The following UST variants were observed in gnomAD, a reference collection of about 807,000 sequenced individuals.
UST encodes the protein chondroitin sulfate 2-O-sulfotransferase.
In UST, 21 loss-of-function variants were observed where a neutral mutation model predicts 45.6. That is an observed-to-expected ratio of 0.46 (90% CI 0.33 to 0.66). The LOEUF (loss-of-function observed/expected upper bound fraction) is 0.66. UST is among the 30% of genes least tolerant of loss of function. The probability of loss-of-function intolerance (pLI) is 0.02; values close to 1 mark genes in which losing one functional copy is unlikely to be tolerated. For synonymous variants in UST, 215 were observed against 200.6 expected (o/e 1.07, Z -0.61); for missense variants, 463 against 512.4 (o/e 0.90, Z 0.93).
At chr6:148,847,018 A>G (rs12664683) in intron 1 of UST, among the ~76,000 whole-genome samples, 1 of 152,382 alleles carries the variant, frequency 6.6e-6, no homozygotes, top group East Asian at 1.9e-4. Context: ...TGCTTCAGCA[A>G]TATGTCCATC....
At chr6:148,765,175 T>C (rs765266233) in intron 1 of UST, among the ~76,000 whole-genome samples, 1 of 152,218 alleles carries the variant, frequency 6.6e-6, no homozygotes, top group African/African-American at 2.4e-5. Flanking sequence ...AGATTTCATA[T>C]TGTTCAAACA....
intron 1 of UST, among the ~76,000 whole-genome samples, chr6:148,840,818 A>C (rs1777873893): frequency 6.6e-6 from 1 of 152,118 alleles, no homozygotes; most frequent in African/African-American, 2.4e-5. Flanking sequence ...TCACCTACTG[A>C]GTCCTTCACC....
intron 7 of UST, among the ~76,000 whole-genome samples, chr6:149,028,820 G>T (rs1485130762): frequency 2.0e-5 from 3 of 152,138 alleles, no homozygotes; most frequent in African/African-American, 7.2e-5. Context: ...CGTTATTGGG[G>T]CCAACTACCC....
At chr6:148,784,357 C>T (rs1186643421) in intron 1 of UST, among the ~76,000 whole-genome samples, 7 of 152,124 alleles carry the variant, frequency 4.6e-5, no homozygotes, top group Middle Eastern at 3.2e-3. Flanking sequence ...TTTATGTAAT[C>T]GGAATTATTG....
chr6:148,753,753 G>A (rs1776034928), intron 1 of UST, among the ~76,000 whole-genome samples: 1 of 152,160 alleles, frequency 6.6e-6, no homozygotes, highest in South Asian at 2.1e-4. Flanking sequence ...GAACTGCCAA[G>A]CTGTTTCTAC....
intron 1 of UST, among the ~76,000 whole-genome samples, chr6:148,884,159 C>T (rs1241329538): frequency 1.3e-5 from 2 of 151,774 alleles, no homozygotes; most frequent in African/African-American, 4.9e-5. Context: ...AATTGCAGAC[C>T]CTTTGGCTAA....
At chr6:148,871,488 C>G (rs1178579740) in intron 1 of UST, among the ~76,000 whole-genome samples, 1 of 152,228 alleles carries the variant, frequency 6.6e-6, no homozygotes, top group African/African-American at 2.4e-5. Context: ...CTTTCCCAGA[C>G]AGCTAGCATT....
At chr6:148,747,818 A>T in intron 1 of UST, 141 bp downstream of exon 1, 1 of 1,140,458 alleles carries the variant, frequency 8.8e-7, no homozygotes, top group South Asian at 2.2e-5. Context: ...GCCCGTGAGC[A>T]TCTGTGCCGC....
At chr6:149,062,545 C>T (rs895968006) in intron 7 of UST, among the ~76,000 whole-genome samples, 2 of 152,176 alleles carry the variant, frequency 1.3e-5, no homozygotes, top group African/African-American at 4.8e-5. Context: ...AGTTTTTCAC[C>T]AGATCCTCCC....
chr6:148,830,335 A>G (rs1355203166), intron 1 of UST, among the ~76,000 whole-genome samples: 2 of 152,236 alleles, frequency 1.3e-5, no homozygotes, highest in Non-Finnish European at 2.9e-5. Flanking sequence ...CATTTATAGT[A>G]TAACTAGTTT....
chr6:149,057,381 G>C (rs1479051460), intron 7 of UST, among the ~76,000 whole-genome samples: 1 of 152,188 alleles, frequency 6.6e-6, no homozygotes, highest in Non-Finnish European at 1.5e-5. Flanking sequence ...TAGCAAGGTA[G>C]GTGATAGATT....
intron 1 of UST, among the ~76,000 whole-genome samples, chr6:148,876,651 G>A (rs1459811157): frequency 6.6e-6 from 1 of 152,040 alleles, no homozygotes; most frequent in Non-Finnish European, 1.5e-5. Context: ...TTGCATAAGC[G>A]TGATTGTGTC....
intron 1 of UST, among the ~76,000 whole-genome samples, chr6:148,800,774 A>AT (rs35096958): frequency 0.033 from 3,871 of 116,926 alleles, 108 homozygotes; most frequent in African/African-American, 0.064. Context: ...TTCAGATCAG[A>AT]TTTTTTTTTT....
intron 7 of UST, among the ~76,000 whole-genome samples, chr6:149,049,929 TCTCACACACACACACACACA>T (rs1776456951): frequency 7.7e-6 from 1 of 129,734 alleles, no homozygotes; most frequent in African/African-American, 2.9e-5. Context: ...TCTCTCTCTC[TCTCACACACACACACACACA>T]CACACACACA....
intron 5 of UST, among the ~76,000 whole-genome samples, chr6:149,007,933 C>T (rs903928943): frequency 1.3e-5 from 2 of 152,166 alleles, no homozygotes; most frequent in Non-Finnish European, 2.9e-5. Context: ...CCATGTTGCT[C>T]ATACTCACAA....
intron 1 of UST, among the ~76,000 whole-genome samples, chr6:148,827,490 A>C (rs1169829083): frequency 6.6e-6 from 1 of 152,024 alleles, no homozygotes; most frequent in Non-Finnish European, 1.5e-5. Context: ...ATGGTGGCGC[A>C]TGCCTGTAAT....
intron 1 of UST, among the ~76,000 whole-genome samples, chr6:148,818,923 T>G (rs1411322043): frequency 6.6e-6 from 1 of 152,188 alleles, no homozygotes; most frequent in Non-Finnish European, 1.5e-5. Flanking sequence ...AGTGCCCAAC[T>G]GCTAAGGTAT....
At chr6:149,040,779 C>T (rs1201381627) in intron 7 of UST, among the ~76,000 whole-genome samples, 1 of 152,212 alleles carries the variant, frequency 6.6e-6, no homozygotes, top group African/African-American at 2.4e-5. Flanking sequence ...ACAAACTGAA[C>T]TCCACGGCGT....
Position 148,819,949 on chromosome 6 carries a change from A to G in UST, c.248-67037A>G, listed in dbSNP as rs147392127. 1.2e-4 allele frequency among the ~76,000 whole-genome samples: 18 copies of G among 152,158 alleles called. 1 individual carries two copies. In the East Asian group the frequency reaches 3.3e-3, roughly 28 times the overall value. On this transcript the variant is annotated intron_variant, in intron 1 of 7. Transcript: ENST00000367463. ...CCTTCAGCTTTTTCCACGAGCTGCT[A>G]TTTCTTTCTAGAATGCTCCGAAGGC...
Sources: allele counts gnomAD v4.1 joint callset (sites outside exome capture counted in the v4.1 genomes callset), GRCh38; gene constraint gnomAD v4.1.1; transcripts MANE v1.5; gene names NCBI Gene and HGNC (gene_info 2026-07-23, HGNC 2026-07-21).